The following CYLD variants were observed in gnomAD, a reference collection of about 807,000 sequenced individuals.
The protein encoded by CYLD is CYLD lysine 63 deubiquitinase, also known as ubiquitin carboxyl-terminal hydrolase CYLD.
A neutral mutation model predicts 104.5 loss-of-function variants in CYLD; 26 were observed. That is an observed-to-expected ratio of 0.25 (90% CI 0.18 to 0.35). CYLD has a LOEUF of 0.35. Among genes scored for constraint, CYLD ranks in the 10% least tolerant of loss-of-function variants. The pLI is 1.00. For missense variants in CYLD, 703 were observed against 1,136.1 expected, an observed-to-expected ratio of 0.62 and a Z score of 5.48; for synonymous variants, 385 against 399.9, an observed-to-expected ratio of 0.96 and a Z score of 0.45.
rs1380851219 is a variant in CYLD at position 50,774,240 on chromosome 16, A to G, written c.914-926A>G. 2.6e-5 allele frequency among the ~76,000 whole-genome samples: 4 copies of G among 152,216 alleles called. No homozygotes were observed. The East Asian group carries it at 7.7e-4, about 29-fold the overall frequency. On this transcript the variant is annotated intron_variant, in intron 5 of 18. Coordinates refer to ENST00000427738, the MANE Select transcript of CYLD (RefSeq NM_001378743.1). ...AATTTAGGAACTCTTCTCAGTGACT[A>G]AGATTTTCCTTCTGAAGTATCTGTC...
At position 50,794,237 on chromosome 16, in the gene CYLD, A is replaced by G. The variant is rs1396231156; in HGVS notation, c.2495A>G (p.Asn832Ser). The G allele has an allele frequency of 5.0e-6, 8 of 1,614,070 alleles. No individual in the cohort carries two copies. The highest frequency in any genetic ancestry group is 6.8e-6 in the Non-Finnish European group (8 of 1,180,032). ...GTCCACCTTCATCCGAAGAGGCTGA[A>G]TCATAAATATAACCCAGTGTCACTT... The part of the protein sequence containing the change: ...TQVHLHPKRL[N>S]HKYNPVSLPK... The change falls in exon 18 of 19, where the codon AAT (asparagine) becomes AGT (serine). Residue 832 changes from asparagine to serine, a missense_variant. Physicochemically the swap from Asn to Ser is conservative, Grantham distance 46 (BLOSUM62 1). Around this residue, in one of 5 missense-constraint regions of CYLD, gnomAD observed 130 missense variants for 220.2 expected, o/e 0.59. Coordinates refer to ENST00000427738, the MANE Select transcript of CYLD (RefSeq NM_001378743.1). The surrounding 1 kb of genome is among the most constrained non-coding windows in gnomAD (Gnocchi z 4.1).
At chr16:50,782,250 A>G (rs1970290767) in intron 10 of CYLD, 75 bp from the exon 11 acceptor site, 4 of 1,176,014 alleles carry the variant, frequency 3.4e-6, no homozygotes, top group Middle Eastern at 2.8e-4. Flanking sequence ...AAATGAAAAA[A>G]TATTTATGGG....
chr16:50,754,980 CATATAT>C (rs1169664176), intron 5 of CYLD, among the ~76,000 whole-genome samples: 2 of 112,486 alleles, frequency 1.8e-5, no homozygotes, highest in Admixed American at 8.6e-5. Context: ...TATATGTATA[CATATAT>C]ACATATATAT....
Position 50,776,268 on chromosome 16 carries a change from A to C in CYLD, c.1012A>C (p.Lys338Gln), listed in dbSNP as rs1425356320. ...DKGSSSHNKPKATGSTSDPGN... is the reference protein window; with the variant it reads ...DKGSSSHNKPQATGSTSDPGN... Reference sequence around the variant, plus strand: ...AGGTTCATCCAGTCATAATAAACCAAAGGCTACAGGTATGGATTAATAGCA... The same window carrying C: ...AGGTTCATCCAGTCATAATAAACCACAGGCTACAGGTATGGATTAATAGCA... The change falls in exon 7 of 19, where the codon AAG becomes CAG. Residue 338 changes from lysine (K) to glutamine (Q), a missense_variant. Transcript: ENST00000427738. The C allele has an allele frequency of 2.5e-6, 4 of 1,611,448 alleles. No homozygotes were observed. The highest frequency in any genetic ancestry group is 3.4e-6 in the Non-Finnish European group (4 of 1,177,694).
At chr16:50,795,469 A>G (rs369226149) in intron 18 of CYLD, 19 of 694,628 alleles carry the variant, frequency 2.7e-5, no homozygotes, top group East Asian at 1.6e-4. Context: ...AGGAGTTTGC[A>G]GGTTAAGACC....
At chr16:50,742,157 G>A (rs1455384714) in intron 1 of CYLD, 33 bp downstream of exon 1, 1 of 151,952 alleles carries the variant, frequency 6.6e-6, no homozygotes, top group Non-Finnish European at 1.5e-5. Context: ...TGGGGAGCCG[G>A]GGCCGGCCCG....
chr16:50,764,484 C>T, intron 5 of CYLD, among the ~76,000 whole-genome samples: 1 of 152,128 alleles, frequency 6.6e-6, no homozygotes. Flanking sequence ...AGCATCTGCC[C>T]TTGTGTTCCT....
At position 50,800,038 on chromosome 16, in the gene CYLD, G is replaced by A. The variant is rs1972345532; in HGVS notation, c.*3530G>A. 1 of 233,106 alleles carries A rather than the reference G, an allele frequency of 4.3e-6. No individual in the cohort carries two copies. The allele number at this position is 233,106 out of a possible 1,614,324, so 14.4% of individuals were successfully genotyped here. A position where few individuals can be genotyped will look rare whatever the true frequency, so the allele number is the denominator to read the frequency against. On this transcript the variant is annotated 3_prime_UTR_variant, in exon 19 of 19. Transcript: ENST00000427738. ...TCTAGGGGAAGCTTTGGGAGGTGGT[G>A]TGCTGTGACAGAAAAAGTGGCAGAG...
At chr16:50,762,581 G>A (rs1243608677) in intron 5 of CYLD, among the ~76,000 whole-genome samples, 1 of 152,050 alleles carries the variant, frequency 6.6e-6, no homozygotes, top group Admixed American at 6.6e-5. Context: ...TTAGCCTTTG[G>A]GCTTCATTGT....
chr16:50,766,653 G>C lies in CYLD; in HGVS notation c.914-8513G>C, dbSNP rs117444738. Among the ~76,000 whole-genome samples, 197 of 152,278 alleles carry C rather than the reference G, an allele frequency of 1.3e-3. 3 individuals are homozygous for C. In the East Asian group the frequency reaches 0.034, roughly 26 times the overall value. On this transcript the variant is annotated intron_variant, in intron 5 of 18. Coordinates refer to ENST00000427738, the MANE Select transcript of CYLD (RefSeq NM_001378743.1). ...CCATCAAGAACATTCATGATTTATGGGAGGAGGTCAAAATATCAACATTAA... is the reference window on the plus strand; with the variant it reads ...CCATCAAGAACATTCATGATTTATGCGAGGAGGTCAAAATATCAACATTAA...
chr16:50,792,842 G>A (rs1451431795), intron 16 of CYLD, 137 bp downstream of exon 16: 3 of 579,656 alleles, frequency 5.2e-6, no homozygotes, highest in Non-Finnish European at 9.3e-6. Flanking sequence ...CTGGAAATAT[G>A]AAACCAGTCA....
intron 7 of CYLD, 96 bp downstream of exon 7, chr16:50,776,373 A>T (rs1969685804): frequency 1.1e-6 from 1 of 890,282 alleles, no homozygotes; most frequent in Non-Finnish European, 1.8e-6. Flanking sequence ...CTGAACATGT[A>T]TGTAGACTTT....
intron 5 of CYLD, 118 bp downstream of exon 5, chr16:50,754,542 T>C: frequency 1.4e-6 from 1 of 721,154 alleles, no homozygotes; most frequent in East Asian, 2.8e-5. Flanking sequence ...ATAAGTTCTT[T>C]CGTGGTGATT....
intron 5 of CYLD, among the ~76,000 whole-genome samples, chr16:50,758,971 G>A (rs1243962791): frequency 1.3e-5 from 2 of 152,168 alleles, no homozygotes; most frequent in African/African-American, 4.8e-5. Context: ...GGGTGCAGTG[G>A]CTTATTCCTG....
At chr16:50,775,054 CTCT>C in intron 5 of CYLD, 109 bp from the exon 6 acceptor site, 2 of 863,886 alleles carry the variant, frequency 2.3e-6, no homozygotes, top group African/African-American at 1.7e-5. Flanking sequence ...AGTAAATTTC[CTCT>C]TTTTTTAAGA....
chr16:50,779,300 G>A lies in CYLD; in HGVS notation c.1139-365G>A, dbSNP rs115805200. 8.3e-3 allele frequency among the ~76,000 whole-genome samples: 1,264 copies of A among 151,908 alleles called. 15 individuals carry two copies. The highest frequency in any genetic ancestry group is 0.026 in the African/African-American group (1,073 of 41,420). On this transcript the variant is annotated intron_variant, in intron 8 of 18. Coordinates refer to ENST00000427738, the MANE Select transcript of CYLD (RefSeq NM_001378743.1). Reference sequence around the variant, plus strand: ...TCTCTTTTTTCTTTATTGTTAAAACGTATTATTTCTTTTTTGATCCATTAG... The same window carrying A: ...TCTCTTTTTTCTTTATTGTTAAAACATATTATTTCTTTTTTGATCCATTAG...
chr16:50,761,666 G>A (rs570919248), intron 5 of CYLD, among the ~76,000 whole-genome samples: 11 of 152,102 alleles, frequency 7.2e-5, no homozygotes, highest in Non-Finnish European at 1.5e-4. Flanking sequence ...AATAGATTCT[G>A]GATTTTGAGT....
chr16:50,749,709 G>T lies in CYLD; in HGVS notation c.11G>T (p.Gly4Val), dbSNP rs776388535. Reference protein sequence around the residue: MSSGLWSQEKVTSP... With the variant: MSSVLWSQEKVTSP... Reference sequence around the variant, plus strand: ...GAAGTTAATATCACAATGAGTTCAGGCTTATGGAGCCAAGAAAAAGTCACT... The same window carrying T: ...GAAGTTAATATCACAATGAGTTCAGTCTTATGGAGCCAAGAAAAAGTCACT... The change falls in exon 3 of 19, where the codon GGC becomes GTC. Residue 4 changes from glycine to valine, a missense_variant. By Grantham distance (109) the Gly-to-Val change is moderately radical. Around this residue, in one of 5 missense-constraint regions of CYLD, gnomAD observed 142 missense variants for 165.1 expected, o/e 0.86. Coordinates refer to ENST00000427738, the MANE Select transcript of CYLD (RefSeq NM_001378743.1). 1 of 1,613,506 alleles carries T rather than the reference G, an allele frequency of 6.2e-7. No individual in the cohort carries two copies. The highest frequency in any genetic ancestry group is 8.5e-7 in the Non-Finnish European group (1 of 1,180,006).
Position 50,755,016 on chromosome 16 carries a change from T to TATAC in CYLD, c.913+595_913+596insCATA, listed in dbSNP as rs1555505396. Among the ~76,000 whole-genome samples the TATAC allele has an allele frequency of 4.8e-3, 44 of 9,242 alleles. 3 individuals are homozygous for TATAC. Among genetic ancestry groups the TATAC allele is most frequent in the African/African-American group, 0.027 (32 of 1,180 alleles). The allele number at this position is 9,242 out of a possible 152,430, so 6.1% of individuals were successfully genotyped here. A position where few individuals can be genotyped will look rare whatever the true frequency, so the allele number is the denominator to read the frequency against. ...ATATATGTATATATACATATATATGTATATATACATATATATGTATATATA... is the reference window on the plus strand; with the variant it reads ...ATATATGTATATATACATATATATGTATACATATATACATATATATGTATATATA... On this transcript the variant is annotated intron_variant, in intron 5 of 18. Coordinates refer to ENST00000427738, the MANE Select transcript of CYLD (RefSeq NM_001378743.1).
Sources: gnomAD v4.1 joint callset for allele counts (sites outside exome capture counted in the v4.1 genomes callset) on GRCh38, gnomAD v4.1.1 for gene constraint, gnomAD v4.1.1 regional missense constraint, Gnocchi (gnomAD v3.1) non-coding constraint, MANE v1.5 for transcripts, NCBI Gene and HGNC (gene_info 2026-07-23, HGNC 2026-07-21) for gene names.